The following ERC1 variants were observed in gnomAD, a reference collection of about 807,000 sequenced individuals.
The protein encoded by ERC1 is ELKS/RAB6-interacting/CAST family member 1, also known as RAB6 interacting protein 2.
Under a neutral mutation model 132.0 loss-of-function variants are expected in ERC1, and 56 were observed. The observed-to-expected ratio is 0.42, with a 90% CI of 0.34 to 0.53. The LOEUF (loss-of-function observed/expected upper bound fraction) is 0.53, where lower values mean the gene tolerates loss of function less well. ERC1 is among the 20% of genes least tolerant of loss of function. The probability of loss-of-function intolerance (pLI) is 0.03; values close to 1 mark genes in which losing one functional copy is unlikely to be tolerated. For synonymous variants in ERC1, 478 were observed against 476.1 expected, an observed-to-expected ratio of 1.00 and a Z score of -0.05; for missense variants, 1,202 against 1,349.9, an observed-to-expected ratio of 0.89 and a Z score of 1.72.
chr12:1,476,606 T>C (rs765630928), intron 18 of ERC1, among the ~76,000 whole-genome samples: 12 of 152,042 alleles, frequency 7.9e-5, no homozygotes, highest in Non-Finnish European at 1.2e-4. Context: ...ACTGGGAAGG[T>C]TGGGATTGGT....
intron 2 of ERC1, among the ~76,000 whole-genome samples, chr12:1,036,447 T>A (rs1003113706): frequency 6.6e-6 from 1 of 151,624 alleles, no homozygotes; most frequent in African/African-American, 2.4e-5. Context: ...CGATCTCGGC[T>A]CAGTGCAGCC....
At chr12:1,338,717 T>C (rs796461010) in intron 15 of ERC1, among the ~76,000 whole-genome samples, 42 of 152,276 alleles carry the variant, frequency 2.8e-4, no homozygotes, top group African/African-American at 9.9e-4. Flanking sequence ...GTTTTTTTTT[T>C]CTTCTTCTTC....
At chr12:1,113,651 T>C (rs1394875648) in intron 6 of ERC1, among the ~76,000 whole-genome samples, 5 of 152,240 alleles carry the variant, frequency 3.3e-5, no homozygotes, top group Non-Finnish European at 7.3e-5. Context: ...GTGGAAAGGG[T>C]CTAATTTGGT....
chr12:1,420,732 G>A (rs981898470), intron 17 of ERC1, among the ~76,000 whole-genome samples: 1 of 152,094 alleles, frequency 6.6e-6, no homozygotes, highest in Non-Finnish European at 1.5e-5. Flanking sequence ...TGGGATTACA[G>A]GCATGAGCCA....
chr12:1,104,274 TG>T (rs1461883633), intron 3 of ERC1, among the ~76,000 whole-genome samples: 2 of 152,138 alleles, frequency 1.3e-5, no homozygotes, highest in Non-Finnish European at 2.9e-5. Flanking sequence ...GTGGTTATTC[TG>T]GGGGTGGATG....
chr12:1,374,953 T>C (rs1222875178), intron 16 of ERC1, among the ~76,000 whole-genome samples: 1 of 152,092 alleles, frequency 6.6e-6, no homozygotes, highest in Non-Finnish European at 1.5e-5. Context: ...TTTGTAATCC[T>C]GTGCATTAGA....
At chr12:1,242,263 T>C (rs2154306909) in intron 13 of ERC1, among the ~76,000 whole-genome samples, 1 of 152,344 alleles carries the variant, frequency 6.6e-6, no homozygotes, top group East Asian at 1.9e-4. Flanking sequence ...TGAAACATCA[T>C]TTGAGTGTCT....
intron 17 of ERC1, among the ~76,000 whole-genome samples, chr12:1,434,059 A>C (rs1592029674): frequency 6.6e-6 from 1 of 151,644 alleles, no homozygotes; most frequent in African/African-American, 2.4e-5. Context: ...GCAGATTAAC[A>C]TGGTGCAGAA....
intron 1 of ERC1, among the ~76,000 whole-genome samples, chr12:999,451 A>G (rs1047811550): frequency 6.6e-6 from 1 of 151,990 alleles, no homozygotes; most frequent in Non-Finnish European, 1.5e-5. Context: ...TAAGCCGGAA[A>G]TGTGTGTGGT....
chr12:1,110,447 T>C (rs1411479753), intron 5 of ERC1, 100 bp downstream of exon 5: 2 of 967,764 alleles, frequency 2.1e-6, no homozygotes, highest in Non-Finnish European at 3.0e-6. Context: ...TTACACTCTT[T>C]TATCAGGTTT....
intron 18 of ERC1, among the ~76,000 whole-genome samples, chr12:1,466,226 G>A (rs1021780096): frequency 2.6e-4 from 39 of 152,120 alleles, no homozygotes; most frequent in African/African-American, 8.9e-4. Context: ...CCTCTCCTTG[G>A]TGTATACATG....
At chr12:1,395,484 T>A (rs2090454313) in intron 16 of ERC1, among the ~76,000 whole-genome samples, 1 of 151,120 alleles carries the variant, frequency 6.6e-6, no homozygotes, top group South Asian at 2.1e-4. Context: ...AGAGAGAAAA[T>A]ATAGGCTGCT....
chr12:1,169,560 A>G (rs1202233866), intron 8 of ERC1, among the ~76,000 whole-genome samples: 1 of 152,176 alleles, frequency 6.6e-6, no homozygotes, highest in South Asian at 2.1e-4. Context: ...TTCTTGCATA[A>G]TAATGTCTGT....
intron 12 of ERC1, among the ~76,000 whole-genome samples, chr12:1,225,756 A>G (rs1202406708): frequency 6.6e-6 from 1 of 152,194 alleles, no homozygotes; most frequent in African/African-American, 2.4e-5. Context: ...TGCCCCAAAT[A>G]ACCAGGCTAC....
chr12:1,328,510 T>C (rs991025652), intron 15 of ERC1, among the ~76,000 whole-genome samples: 1 of 152,168 alleles, frequency 6.6e-6, no homozygotes. Context: ...AGGCTTCTTA[T>C]CCTTTCAGGA....
At chr12:1,164,488 C>A (rs1952200274) in intron 8 of ERC1, among the ~76,000 whole-genome samples, 1 of 149,650 alleles carries the variant, frequency 6.7e-6, no homozygotes, top group African/African-American at 2.5e-5. Context: ...ACTACAGGCG[C>A]CCGCCACCGC....
chr12:1,190,517 T>C (rs1955614110), intron 12 of ERC1, among the ~76,000 whole-genome samples: 1 of 152,162 alleles, frequency 6.6e-6, no homozygotes. Context: ...ACGCTGTTAC[T>C]TCAGTGCATT....
chr12:1,325,402 T>G (rs957416190), intron 15 of ERC1, among the ~76,000 whole-genome samples: 1 of 152,202 alleles, frequency 6.6e-6, no homozygotes, highest in African/African-American at 2.4e-5. Context: ...ACATTGTTAA[T>G]TGTGCCAAGT....
chr12:1,169,808 T>G lies in ERC1; in HGVS notation c.1738-10732T>G, dbSNP rs928250157. Among the ~76,000 whole-genome samples, 5 of 152,356 alleles carry G rather than the reference T, an allele frequency of 3.3e-5. No homozygotes were observed. The East Asian group carries it at 9.6e-4, about 29-fold the overall frequency. ...TGAATTTATTTGTGTCTCTCAGTCT[T>G]TCTTTGAAGAAAGACTCCCCAAATC... On this transcript the variant is annotated intron_variant, in intron 8 of 18. Coordinates refer to ENST00000360905, the MANE Select transcript of ERC1 (RefSeq NM_178040.4).
Sources: allele counts gnomAD v4.1 joint callset (sites outside exome capture counted in the v4.1 genomes callset), GRCh38; gene constraint gnomAD v4.1.1; transcripts MANE v1.5; gene names NCBI Gene and HGNC (gene_info 2026-07-23, HGNC 2026-07-21).